The following RASGRP3 variants were observed in gnomAD, a reference collection of about 807,000 sequenced individuals.
The protein encoded by RASGRP3 is RAS guanyl releasing protein 3, also known as ras guanyl-releasing protein 3.
Under a neutral mutation model 82.7 loss-of-function variants are expected in RASGRP3, and 54 were observed. The ratio of observed to expected loss-of-function variants is 0.65; its 90% confidence interval spans 0.52 to 0.82. RASGRP3 has a LOEUF of 0.82. Among genes scored for constraint, RASGRP3 ranks in the 40% least tolerant of loss-of-function variants. RASGRP3 has a pLI of 0.00. For missense variants in RASGRP3, 861 were observed against 828.9 expected (o/e 1.04, Z -0.48); for synonymous variants, 309 against 300.5 (o/e 1.03, Z -0.29).
chr2:33,523,812 A>T (rs953721004), intron 7 of RASGRP3, 67 bp from the exon 8 acceptor site: 2 of 1,389,044 alleles, frequency 1.4e-6, no homozygotes, highest in African/African-American at 2.9e-5. Context: ...TTTCTATGCA[A>T]TATTCTAATT....
chr2:33,546,437 A>AAG (rs1364807486), intron 13 of RASGRP3, among the ~76,000 whole-genome samples: 1 of 151,846 alleles, frequency 6.6e-6, no homozygotes, highest in African/African-American at 2.4e-5. Flanking sequence ...AAAAAAAAAA[A>AAG]AGAAAGTCAA....
chr2:33,463,138 A>G (rs1400336190), intron 2 of RASGRP3, among the ~76,000 whole-genome samples: 1 of 152,182 alleles, frequency 6.6e-6, no homozygotes, highest in African/African-American at 2.4e-5. Flanking sequence ...TTGGAATAAA[A>G]ATAATTGGGG....
chr2:33,496,438 T>C (rs1669319846), intron 1 of RASGRP3, among the ~76,000 whole-genome samples: 1 of 152,266 alleles, frequency 6.6e-6, no homozygotes, highest in Admixed American at 6.5e-5. Flanking sequence ...TATAGTCATC[T>C]TGCTGTGAAT....
At chr2:33,532,211 G>A (rs1250538964) in intron 10 of RASGRP3, 1 of 152,198 alleles carries the variant, frequency 6.6e-6, no homozygotes. Context: ...AGTTCCCAGT[G>A]TTTGAAAATT....
At chr2:33,534,187 C>T (rs777082388) in intron 10 of RASGRP3, 136 bp from the exon 11 acceptor site, 3 of 630,786 alleles carry the variant, frequency 4.8e-6, no homozygotes, top group South Asian at 1.9e-5. Context: ...CTCTGCGTGC[C>T]GTCTTTTTAT....
At chr2:33,490,594 A>G (rs1315498137) in intron 1 of RASGRP3, among the ~76,000 whole-genome samples, 4 of 152,168 alleles carry the variant, frequency 2.6e-5, no homozygotes, top group East Asian at 1.9e-4. Context: ...GAGCTCCTCA[A>G]GATGCTTTGC....
rs72802081 is a variant in RASGRP3, at chr2:33,443,441, T to C, written c.-384-4379T>C. On this transcript the variant is annotated intron_variant, in intron 1 of 18. Transcript: ENST00000402538. Reference sequence around the variant, plus strand: ...TCTTGCTGGGTATTACTAGAATTCTTTGGATGGGGAAACTAAACATGTGTG... The same window carrying C: ...TCTTGCTGGGTATTACTAGAATTCTCTGGATGGGGAAACTAAACATGTGTG... Among the ~76,000 whole-genome samples, 563 of 152,238 alleles carry C rather than the reference T, an allele frequency of 3.7e-3. 2 individuals are homozygous for C. Among genetic ancestry groups the C allele is most frequent in the Non-Finnish European group, 6.5e-3 (441 of 67,998 alleles).
intron 1 of RASGRP3, among the ~76,000 whole-genome samples, chr2:33,499,894 G>T (rs1368563518): frequency 6.6e-6 from 1 of 152,174 alleles, no homozygotes; most frequent in African/African-American, 2.4e-5. Flanking sequence ...CACACTTCTG[G>T]GCTAGGGGAT....
In RASGRP3 at chr2:33,558,818, C is replaced by T. The variant is rs750058298; in HGVS notation, c.1852C>T (p.Pro618Ser). 14 of 1,613,898 alleles carry T rather than the reference C, an allele frequency of 8.7e-6. No individual in the cohort carries two copies. In the Admixed American group the frequency reaches 2.2e-4, roughly 25 times the overall value. Residue 618 changes from proline to serine, a missense_variant, in exon 17 of 18, where the codon CCT (proline) becomes TCT (serine). Pro to Ser is a moderately conservative substitution (Grantham distance 74, BLOSUM62 -1). Coordinates refer to ENST00000403687, the MANE Select transcript of RASGRP3 (RefSeq NM_001139488.2). ...ATTSQATQTE[P>S]VWSEAGWGDS... ...CACCAGCCAGGCCACCCAGACTGAA[C>T]CTGTCTGGTCAGAGGCTGGCTGGGG...
At chr2:33,500,533 G>A (rs1172177176) in intron 1 of RASGRP3, among the ~76,000 whole-genome samples, 1 of 152,210 alleles carries the variant, frequency 6.6e-6, no homozygotes, top group African/African-American at 2.4e-5. Context: ...GATGGCAAAA[G>A]AGAGTGCTAG....
intron 1 of RASGRP3, among the ~76,000 whole-genome samples, chr2:33,483,182 A>G (rs1668085088): frequency 6.6e-6 from 1 of 152,284 alleles, no homozygotes; most frequent in Non-Finnish European, 1.5e-5. Flanking sequence ...GTGCTTGTAG[A>G]TATCCCATCT....
intron 5 of RASGRP3, 34 bp downstream of exon 5, chr2:33,520,048 T>G: frequency 6.7e-7 from 1 of 1,503,690 alleles, no homozygotes; most frequent in Non-Finnish European, 9.1e-7. Flanking sequence ...TTCTTGTAGT[T>G]TCTGGTTCTG....
At chr2:33,500,528 C>T (rs1669765686) in intron 1 of RASGRP3, among the ~76,000 whole-genome samples, 1 of 151,904 alleles carries the variant, frequency 6.6e-6, no homozygotes, top group African/African-American at 2.4e-5. Context: ...TGAGGGATGG[C>T]AAAAGAGAGT....
chr2:33,476,876 T>C (rs1224827128), intron 1 of RASGRP3, among the ~76,000 whole-genome samples, 169 bp downstream of exon 1: 2 of 151,916 alleles, frequency 1.3e-5, no homozygotes, highest in Non-Finnish European at 2.9e-5. Context: ...TTGTACCTGT[T>C]AACAGCCATT....
At chr2:33,541,987 C>G (rs1453293970) in intron 12 of RASGRP3, among the ~76,000 whole-genome samples, 1 of 146,418 alleles carries the variant, frequency 6.8e-6, no homozygotes, top group Admixed American at 7.0e-5. Flanking sequence ...GCCTATAATC[C>G]CAGCACTTTG....
intron 13 of RASGRP3, among the ~76,000 whole-genome samples, chr2:33,548,241 G>A (rs1242241930): frequency 4.0e-5 from 6 of 151,274 alleles, no homozygotes; most frequent in Non-Finnish European, 8.9e-5. Flanking sequence ...GGCGCCTGTA[G>A]TCCCAGCTAC....
intron 17 of RASGRP3, 25 bp from the exon 18 acceptor site, chr2:33,562,704 C>G: frequency 6.2e-7 from 1 of 1,611,964 alleles, no homozygotes. Context: ...TCCAGCCATG[C>G]AATAGGTTCC....
intron 1 of RASGRP3, among the ~76,000 whole-genome samples, chr2:33,496,808 G>T (rs1463257875): frequency 6.6e-6 from 1 of 152,182 alleles, no homozygotes; most frequent in African/African-American, 2.4e-5. Flanking sequence ...AGTGAGCCAA[G>T]ATTGCACCAC....
chr2:33,446,898 C>G (rs965817049), intron 1 of RASGRP3, among the ~76,000 whole-genome samples: 2 of 151,938 alleles, frequency 1.3e-5, no homozygotes, highest in African/African-American at 4.8e-5. Flanking sequence ...AATCCCAGCA[C>G]TTTGGGAGGC....
Sources: allele counts gnomAD v4.1 joint callset (sites outside exome capture counted in the v4.1 genomes callset), GRCh38; gene constraint gnomAD v4.1.1; transcripts MANE v1.5; gene names NCBI Gene and HGNC (gene_info 2026-07-23, HGNC 2026-07-21).